Variants in SGCZ observed in about 807,000 individuals in gnomAD.
The protein encoded by SGCZ is sarcoglycan zeta, also known as zeta-sarcoglycan.
SGCZ carries 40 observed loss-of-function variants against 41.3 expected under a neutral mutation model. That is an observed-to-expected ratio of 0.97 (90% CI 0.75 to 1.26). The LOEUF (loss-of-function observed/expected upper bound fraction) is 1.26, where lower values mean the gene tolerates loss of function less well. Ranked by LOEUF, SGCZ falls within the 50% of genes most tolerant of loss-of-function variation. The pLI is 0.00. For missense variants in SGCZ, 552 were observed against 369.8 expected (o/e 1.49, Z -4.04); for synonymous variants, 206 against 137.5 (o/e 1.50, Z -3.49).
intron 4 of SGCZ, among the ~76,000 whole-genome samples, chr8:14,235,296 C>G (rs543876702): frequency 6.6e-6 from 1 of 152,254 alleles, no homozygotes; most frequent in South Asian, 2.1e-4. Context: ...ATACATAAGT[C>G]ATCAAAAATA....
intron 2 of SGCZ, among the ~76,000 whole-genome samples, chr8:14,454,321 G>A (rs1800681805): frequency 6.6e-6 from 1 of 152,162 alleles, no homozygotes; most frequent in African/African-American, 2.4e-5. Context: ...TACTGTAAAT[G>A]AAGCCAACAC....
chr8:14,587,860 C>G (rs963707519), intron 1 of SGCZ, among the ~76,000 whole-genome samples: 2 of 151,872 alleles, frequency 1.3e-5, no homozygotes, highest in Non-Finnish European at 2.9e-5. Context: ...TTGGGTTTAC[C>G]AAATGCATTG....
chr8:14,178,434 T>G (rs1342723865), intron 4 of SGCZ, among the ~76,000 whole-genome samples: 1 of 152,232 alleles, frequency 6.6e-6, no homozygotes, highest in African/African-American at 2.4e-5. Context: ...TAGCAAACCA[T>G]GTAAACAGGT....
chr8:14,135,624 T>C (rs1803172671), intron 5 of SGCZ, among the ~76,000 whole-genome samples: 3 of 152,186 alleles, frequency 2.0e-5, no homozygotes, highest in Non-Finnish European at 4.4e-5. Flanking sequence ...ACAATCTGAA[T>C]AGTCCTGTAA....
chr8:14,551,697 T>C (rs188885697), intron 2 of SGCZ, among the ~76,000 whole-genome samples: 132 of 130,108 alleles, frequency 1.0e-3, no homozygotes, highest in Non-Finnish European at 1.7e-3. Context: ...AGCCAGGAAA[T>C]TATTTATTTC....
chr8:14,341,082 C>A (rs1802688882), intron 2 of SGCZ, among the ~76,000 whole-genome samples: 1 of 152,134 alleles, frequency 6.6e-6, no homozygotes, highest in Admixed American at 6.5e-5. Flanking sequence ...CAAGAGTCAT[C>A]TATGTTGTAG....
intron 1 of SGCZ, among the ~76,000 whole-genome samples, chr8:14,593,672 A>G (rs894726307): frequency 6.6e-6 from 1 of 152,182 alleles, no homozygotes; most frequent in Non-Finnish European, 1.5e-5. Context: ...TAAATGAAAA[A>G]TAATTATTAA....
At chr8:14,430,357 G>A (rs903136000) in intron 2 of SGCZ, among the ~76,000 whole-genome samples, 23 of 152,150 alleles carry the variant, frequency 1.5e-4, no homozygotes, top group African/African-American at 5.1e-4. Context: ...ATAATCAAGT[G>A]GGTTTCATAC....
At chr8:14,225,428 T>C (rs1448179793) in intron 4 of SGCZ, among the ~76,000 whole-genome samples, 1 of 152,044 alleles carries the variant, frequency 6.6e-6, no homozygotes, top group Non-Finnish European at 1.5e-5. Flanking sequence ...TATCTTTTAA[T>C]ACTAAAAATT....
At position 14,862,535 on chromosome 8, in the gene SGCZ, GATATATATATATATATATATATAT is replaced by G. The variant is rs59769861; in HGVS notation, c.40-307633_40-307610del. 6.5e-4 allele frequency among the ~76,000 whole-genome samples: 40 copies of G among 61,576 alleles called. 1 individual carries two copies. The highest frequency in any genetic ancestry group is 2.2e-3 in the East Asian group (4 of 1,786). The allele number at this position is 61,576 out of a possible 152,430, so 40.4% of individuals were successfully genotyped here. ...TATGAAACAAAAATTGCATCTTTAAGATATATATATATATATATATATATATATATATATATATATATATATACA... is the reference window on the plus strand; with the variant it reads ...TATGAAACAAAAATTGCATCTTTAAGATATATATATATATATATATATACA... On this transcript the variant is annotated intron_variant, in intron 1 of 7. Coordinates refer to ENST00000382080, the MANE Select transcript of SGCZ (RefSeq NM_139167.4).
At chr8:14,325,942 CT>C (rs1361651310) in intron 2 of SGCZ, among the ~76,000 whole-genome samples, 1 of 147,944 alleles carries the variant, frequency 6.8e-6, no homozygotes, top group Admixed American at 6.8e-5. Context: ...GAAACCCTGT[CT>C]CTACTAAAAA....
intron 1 of SGCZ, among the ~76,000 whole-genome samples, chr8:15,231,936 T>C (rs6999932): frequency 0.012 from 1,836 of 152,294 alleles, 34 homozygotes; most frequent in African/African-American, 0.041. Context: ...ATGACGTTTA[T>C]AGAAAATGTG....
chr8:14,287,253 C>G (rs1800674158), intron 3 of SGCZ, among the ~76,000 whole-genome samples: 1 of 150,788 alleles, frequency 6.6e-6, no homozygotes, highest in South Asian at 2.1e-4. Context: ...TACATAATAT[C>G]AAAAAAATTA....
intron 5 of SGCZ, among the ~76,000 whole-genome samples, chr8:14,164,040 T>C (rs534870273): frequency 1.3e-5 from 2 of 152,140 alleles, no homozygotes; most frequent in African/African-American, 2.4e-5. Context: ...AAATTTTAAT[T>C]TCAGCTGGTG....
intron 1 of SGCZ, among the ~76,000 whole-genome samples, chr8:15,043,824 G>T (rs575717381): frequency 1.3e-5 from 2 of 151,984 alleles, no homozygotes; most frequent in East Asian, 1.9e-4. Context: ...TCAGTAAACT[G>T]TGGCTCTCAG....
At chr8:15,194,002 A>C (rs975693731) in intron 1 of SGCZ, among the ~76,000 whole-genome samples, 1 of 152,216 alleles carries the variant, frequency 6.6e-6, no homozygotes, top group Non-Finnish European at 1.5e-5. Context: ...ATAACTAGCC[A>C]GTGTAACTTG....
intron 1 of SGCZ, among the ~76,000 whole-genome samples, chr8:15,045,269 G>A (rs898717173): frequency 2.0e-5 from 3 of 152,054 alleles, no homozygotes; most frequent in African/African-American, 7.2e-5. Context: ...TGGGAGATCA[G>A]AGACCTTTTA....
chr8:14,231,841 T>C (rs944181947), intron 4 of SGCZ, among the ~76,000 whole-genome samples: 8 of 152,106 alleles, frequency 5.3e-5, no homozygotes, highest in Non-Finnish European at 1.0e-4. Context: ...TAAAGCACAG[T>C]GGGATCATTT....
At chr8:14,914,337 C>G (rs912431470) in intron 1 of SGCZ, among the ~76,000 whole-genome samples, 1 of 151,966 alleles carries the variant, frequency 6.6e-6, no homozygotes, top group African/African-American at 2.4e-5. Context: ...GTATGTACAT[C>G]TCTCAACTTT....
Sources: gnomAD v4.1 joint callset for allele counts (sites outside exome capture counted in the v4.1 genomes callset) on GRCh38, gnomAD v4.1.1 for gene constraint, MANE v1.5 for transcripts, NCBI Gene and HGNC (gene_info 2026-07-23, HGNC 2026-07-21) for gene names.